The following CSMD3 variants were observed in gnomAD, a reference collection of about 807,000 sequenced individuals.
CSMD3 encodes the protein CUB and sushi domain-containing protein 3.
CSMD3 carries 177 observed loss-of-function variants against 435.2 expected under a neutral mutation model. The ratio of observed to expected loss-of-function variants is 0.41; its 90% CI spans 0.36 to 0.46. The LOEUF (loss-of-function observed/expected upper bound fraction) is 0.46, where lower values mean the gene tolerates loss of function less well. CSMD3 is among the 20% of genes least tolerant of loss of function. The pLI, the probability that CSMD3 is intolerant of heterozygous loss-of-function variation, is 0.34. For synonymous variants in CSMD3, 1,656 were observed against 1,520.5 expected (o/e 1.09, Z -2.07); for missense variants, 4,265 against 4,504.6 (o/e 0.95, Z 1.52).
intron 13 of CSMD3, among the ~76,000 whole-genome samples, chr8:112,710,236 T>C (rs545901307): frequency 6.6e-6 from 1 of 152,248 alleles, no homozygotes; most frequent in East Asian, 1.9e-4. Flanking sequence ...TAAGATAAAC[T>C]ATGAGTGACA....
chr8:112,526,924 G>C (rs1461285458), intron 27 of CSMD3, among the ~76,000 whole-genome samples: 1 of 151,808 alleles, frequency 6.6e-6, no homozygotes, highest in African/African-American at 2.4e-5. Flanking sequence ...CATAATGACA[G>C]GTTTTCATAA....
Position 112,381,841 on chromosome 8 carries a change from A to G in CSMD3, c.6032-1385T>C, listed in dbSNP as rs570544767. 2.0e-5 allele frequency among the ~76,000 whole-genome samples: 3 copies of G among 152,326 alleles called. No homozygotes were observed. In the South Asian group the frequency reaches 6.2e-4, roughly 32 times the overall value. ...AACCTCAGGCAACTTAATCTCTCTA[A>G]GCCTCAATTACCTACCAGGTCTGCT... On this transcript the variant is annotated intron_variant, in intron 37 of 70. Coordinates refer to ENST00000297405, the MANE Select transcript of CSMD3 (RefSeq NM_198123.2).
chr8:112,940,519 T>TA (rs2083420092), intron 9 of CSMD3, among the ~76,000 whole-genome samples: 1 of 151,842 alleles, frequency 6.6e-6, no homozygotes, highest in Non-Finnish European at 1.5e-5. Flanking sequence ...TAAGGGCATT[T>TA]AACTTTTTAA....
At chr8:112,999,926 T>C (rs568991659) in intron 6 of CSMD3, among the ~76,000 whole-genome samples, 1 of 152,108 alleles carries the variant, frequency 6.6e-6, no homozygotes. Context: ...GAAATTCATA[T>C]TGGAAATCTA....
chr8:112,246,252 T>C (rs138895501), intron 64 of CSMD3, among the ~76,000 whole-genome samples: 2 of 152,192 alleles, frequency 1.3e-5, no homozygotes, highest in Non-Finnish European at 2.9e-5. Flanking sequence ...TGAACAGGGA[T>C]AGAGTAAATT....
At chr8:112,570,326 C>T (rs1045644696) in intron 24 of CSMD3, among the ~76,000 whole-genome samples, 8 of 152,194 alleles carry the variant, frequency 5.3e-5, no homozygotes, top group Non-Finnish European at 4.4e-5. Context: ...TGTTGAAGAA[C>T]GATGCACATA....
chr8:112,634,273 T>C (rs1462526009), intron 22 of CSMD3, among the ~76,000 whole-genome samples: 1 of 151,822 alleles, frequency 6.6e-6, no homozygotes, highest in Non-Finnish European at 1.5e-5. Flanking sequence ...AATATACACA[T>C]ACGTGTGTTT....
At chr8:113,137,303 T>C (rs1262055500) in intron 4 of CSMD3, among the ~76,000 whole-genome samples, 1 of 151,754 alleles carries the variant, frequency 6.6e-6, no homozygotes, top group African/African-American at 2.4e-5. Context: ...TAGTCTATAA[T>C]TGATATATTA....
rs2131612517 is a variant in CSMD3 at position 112,645,138 on chromosome 8, G to T, written c.3281C>A (p.Thr1094Lys). 1.3e-6 allele frequency: 2 copies of T among 1,597,124 alleles called. No homozygotes were observed. The highest frequency in any genetic ancestry group is 1.7e-6 in the Non-Finnish European group (2 of 1,164,636). ...PEFYPNSLNC[T>K]WTVDVTHGKG... ...TCCATGGGTTACATCAACAGTCCAT[G>T]TACAATTCAGAGAATTTGGATAAAA... Residue 1094 changes from threonine to lysine, a missense_variant, in exon 20 of 71, where the codon ACA (threonine) becomes AAA (lysine). Around this residue, in one of 3 missense-constraint regions of CSMD3, gnomAD observed 3,255 missense variants for 3,380.2 expected, o/e 0.96. Transcript: ENST00000297405.
chr8:112,414,027 C>T (rs1811640238), intron 32 of CSMD3, among the ~76,000 whole-genome samples: 1 of 152,130 alleles, frequency 6.6e-6, no homozygotes, highest in Admixed American at 6.6e-5. Context: ...GCCAGAATCC[C>T]CCTCATCCCT....
At chr8:113,168,537 A>AAC (rs1329373463) in intron 4 of CSMD3, among the ~76,000 whole-genome samples, 29 of 149,612 alleles carry the variant, frequency 1.9e-4, no homozygotes, top group African/African-American at 7.0e-4. Flanking sequence ...AAAAAAAAAA[A>AAC]AAAAAAAAAA....
At chr8:112,701,684 T>A (rs1216634634) in intron 13 of CSMD3, among the ~76,000 whole-genome samples, 1 of 152,166 alleles carries the variant, frequency 6.6e-6, no homozygotes, top group Non-Finnish European at 1.5e-5. Context: ...ACTATTTAGA[T>A]CTCTTCGACT....
chr8:113,027,324 T>C (rs912730184), intron 5 of CSMD3, among the ~76,000 whole-genome samples: 1 of 152,106 alleles, frequency 6.6e-6, no homozygotes, highest in Admixed American at 6.6e-5. Context: ...AACTAGCATA[T>C]TCAAAAATAC....
chr8:112,666,507 T>C, intron 16 of CSMD3, 92 bp from the exon 17 acceptor site: 2 of 1,082,728 alleles, frequency 1.8e-6, no homozygotes, highest in East Asian at 2.6e-5. Flanking sequence ...AACAAGTCTC[T>C]GCATATCCTT....
At chr8:112,359,162 T>C (rs1235137981) in intron 38 of CSMD3, among the ~76,000 whole-genome samples, 1 of 152,172 alleles carries the variant, frequency 6.6e-6, no homozygotes, top group African/African-American at 2.4e-5. Context: ...TTAAATGGGT[T>C]AGAAAAAGAG....
At chr8:112,746,256 G>C (rs2077423452) in intron 13 of CSMD3, among the ~76,000 whole-genome samples, 1 of 152,086 alleles carries the variant, frequency 6.6e-6, no homozygotes. Context: ...CATTATTACT[G>C]CAATAACTGT....
At chr8:113,330,506 A>T (rs2094019212) in intron 1 of CSMD3, among the ~76,000 whole-genome samples, 1 of 151,996 alleles carries the variant, frequency 6.6e-6, no homozygotes, top group Non-Finnish European at 1.5e-5. Flanking sequence ...CCAATTAAAT[A>T]ACAGGTATTG....
rs1178079980 is a variant in CSMD3, at chr8:112,224,776, C to T, written c.11119G>A (p.Val3707Ile). 6.2e-7 allele frequency: 1 copy of T among 1,613,996 alleles called. No homozygotes were observed. Among genetic ancestry groups the T allele is most frequent in the Non-Finnish European group, 8.5e-7 (1 of 1,179,884 alleles). Residue 3707 changes from valine to isoleucine, a missense_variant, in exon 71 of 71, where the codon GTA (valine) becomes ATA (isoleucine). Val to Ile is a conservative substitution (Grantham distance 29, BLOSUM62 3). Around this residue, in one of 3 missense-constraint regions of CSMD3, gnomAD observed 3,255 missense variants for 3,380.2 expected, o/e 0.96. Transcript: ENST00000297405. ...DPNLNTVCTM[V>I] is the part of the protein sequence containing the mutation. ...AGAAGGCAAAGGTTGCCTCGTTATA[C>T]CATTGTGCAAACCGTGTTCAAGTTG...
intron 13 of CSMD3, among the ~76,000 whole-genome samples, chr8:112,779,212 A>G (rs934611608): frequency 1.3e-5 from 2 of 151,406 alleles, no homozygotes; most frequent in Non-Finnish European, 3.0e-5. Context: ...TGTATTTAAC[A>G]TTGACCTCAG....
Sources: gnomAD v4.1 joint callset for allele counts (sites outside exome capture counted in the v4.1 genomes callset) on GRCh38, gnomAD v4.1.1 for gene constraint, gnomAD v4.1.1 regional missense constraint, MANE v1.5 for transcripts, NCBI Gene and HGNC (gene_info 2026-07-23, HGNC 2026-07-21) for gene names.